Variants in CARD8 observed in about 807,000 individuals in gnomAD.
CARD8 encodes the protein caspase recruitment domain-containing protein 8.
CARD8 carries 38 observed loss-of-function variants against 53.2 expected under a neutral mutation model. The observed-to-expected ratio is 0.71, with a 90% CI of 0.55 to 0.94. The LOEUF (loss-of-function observed/expected upper bound fraction) is 0.94. Ranked by LOEUF, CARD8 falls within the 40% of genes least tolerant of loss-of-function variation. CARD8 has a pLI of 0.00. For missense variants in CARD8, 561 were observed against 655.5 expected (o/e 0.86, Z 1.57); for synonymous variants, 245 against 244.9 (o/e 1.00, Z 0.00).
chr19:48,218,845 A>G, intron 12 of CARD8, 26 bp downstream of exon 12: 1 of 1,612,230 alleles, frequency 6.2e-7, no homozygotes, highest in Non-Finnish European at 8.5e-7. Context: ...CCTGTCTAAA[A>G]ATGCCAGCCT....
intron 10 of CARD8, chr19:48,223,734 C>A (rs770389838): frequency 2.4e-6 from 1 of 410,996 alleles, no homozygotes; most frequent in Non-Finnish European, 4.8e-6. Context: ...GATTAATTTT[C>A]TTAACCTTCT....
At chr19:48,248,582 CAA>C (rs2046487705) in intron 3 of CARD8, among the ~76,000 whole-genome samples, 1 of 152,178 alleles carries the variant, frequency 6.6e-6, no homozygotes, top group African/African-American at 2.4e-5. Context: ...GAAAAGCTGA[CAA>C]AATCAAGTGT....
In CARD8 at chr19:48,238,503, G is replaced by A; in HGVS notation, c.89C>T (p.Ala30Val). The change falls in exon 5 of 14, where the codon GCA becomes GTA. Residue 30 changes from alanine to valine, a missense_variant. Physicochemically the swap from Ala to Val is moderately conservative, Grantham distance 64. Coordinates refer to ENST00000651546, the MANE Select transcript of CARD8 (RefSeq NM_001184900.3). ...RDSGSSRNID[A>V]SKLIRLQGSR... ...TCCTTGTAGTCTAATGAGTTTGGAT[G>A]CATCTATGTTCCTACTGGATCCACT... is the stretch of plus-strand genomic sequence containing the variant. 2 of 1,536,480 alleles carry A rather than the reference G, an allele frequency of 1.3e-6. No individual in the cohort carries two copies. The highest frequency in any genetic ancestry group is 1.7e-6 in the Non-Finnish European group (2 of 1,146,976).
At chr19:48,232,955 T>C (rs1380309153) in intron 6 of CARD8, 3 of 368,570 alleles carry the variant, frequency 8.1e-6, no homozygotes, top group African/African-American at 2.1e-5. Context: ...CTGGCTTAAA[T>C]TGATTGCTCC....
At chr19:48,214,786 T>C (rs1475600337) in intron 13 of CARD8, among the ~76,000 whole-genome samples, 4 of 124,528 alleles carry the variant, frequency 3.2e-5, no homozygotes, top group Non-Finnish European at 3.4e-5. Flanking sequence ...TTTTTTTTTT[T>C]TTTTTTTTTT....
At chr19:48,229,214 G>A (rs540803909) in intron 10 of CARD8, among the ~76,000 whole-genome samples, 4 of 152,234 alleles carry the variant, frequency 2.6e-5, no homozygotes, top group African/African-American at 9.6e-5. Context: ...AGGTGAAGAC[G>A]GGCCAGAAAC....
chr19:48,225,782 G>C (rs1249715106), intron 10 of CARD8, among the ~76,000 whole-genome samples: 1 of 152,108 alleles, frequency 6.6e-6, no homozygotes, highest in Admixed American at 6.5e-5. Context: ...GCTGGGCACA[G>C]TGGCTCACAC....
intron 1 of CARD8, among the ~76,000 whole-genome samples, chr19:48,254,632 A>C (rs1284014502): frequency 6.6e-6 from 1 of 152,138 alleles, no homozygotes; most frequent in African/African-American, 2.4e-5. Context: ...GGGCACCTGT[A>C]GTCGCAGCTA....
intron 3 of CARD8, 128 bp from the exon 4 acceptor site, chr19:48,241,191 T>C (rs965000306): frequency 3.1e-5 from 19 of 608,174 alleles, no homozygotes; most frequent in African/African-American, 1.5e-4. Context: ...ATCAGTGGAA[T>C]TGCTCCTAGT....
chr19:48,218,717 T>C (rs1435688030), intron 12 of CARD8, among the ~76,000 whole-genome samples, 154 bp downstream of exon 12: 1 of 152,128 alleles, frequency 6.6e-6, no homozygotes, highest in African/African-American at 2.4e-5. Context: ...GTGTGTGTTG[T>C]TCCCCTCCCT....
At chr19:48,244,895 C>T (rs2045858711) in intron 3 of CARD8, among the ~76,000 whole-genome samples, 1 of 152,118 alleles carries the variant, frequency 6.6e-6, no homozygotes, top group Non-Finnish European at 1.5e-5. Flanking sequence ...AAAAACTCCA[C>T]CCACAATTCC....
intron 3 of CARD8, among the ~76,000 whole-genome samples, chr19:48,249,067 G>A (rs1306082483): frequency 1.3e-5 from 2 of 151,946 alleles, no homozygotes; most frequent in Non-Finnish European, 2.9e-5. Flanking sequence ...CGTGGTGGCG[G>A]GCGCCTGTCA....
chr19:48,231,656 T>C lies in CARD8; in HGVS notation c.542+4A>G. On this transcript the variant is annotated splice_donor_region_variant and intron_variant, in intron 8 of 13. Transcript: ENST00000651546. The stretch of plus-strand genomic sequence containing the variant: ...TTCAAATCATCAGCATCTTCCATTC[T>C]TACCTGTATCTGTTTGTGCTCTTAT... 1 of 1,588,364 alleles carries C rather than the reference T, an allele frequency of 6.3e-7. No individual in the cohort carries two copies. Among genetic ancestry groups the C allele is most frequent in the South Asian group, 1.2e-5 (1 of 86,454 alleles).
chr19:48,253,878 A>G (rs1258165509), intron 1 of CARD8, among the ~76,000 whole-genome samples: 1 of 152,230 alleles, frequency 6.6e-6, no homozygotes, highest in African/African-American at 2.4e-5. Context: ...ATAACAGAGT[A>G]TCAGTAAAGA....
At chr19:48,235,373 T>C (rs148587822) in intron 5 of CARD8, among the ~76,000 whole-genome samples, 2 of 152,182 alleles carry the variant, frequency 1.3e-5, no homozygotes, top group African/African-American at 4.8e-5. Context: ...AGTTCCTCCT[T>C]TGAAGTAGCC....
At chr19:48,236,282 G>C (rs2043854725) in intron 5 of CARD8, among the ~76,000 whole-genome samples, 1 of 152,132 alleles carries the variant, frequency 6.6e-6, no homozygotes, top group South Asian at 2.1e-4. Context: ...GCATGATCTT[G>C]GCTCACTGCA....
rs567697682 is a variant in CARD8 at position 48,235,845 on chromosome 19, C to CA, written c.210-1303dup. 5.5e-3 allele frequency among the ~76,000 whole-genome samples: 754 copies of CA among 136,982 alleles called. 3 individuals are homozygous for CA. Among genetic ancestry groups the CA allele is most frequent in the South Asian group, 9.3e-3 (40 of 4,322 alleles). 89.9% of individuals were successfully genotyped at this position (136,982 alleles called of 152,430 possible). ...AAAAATCATTGACAAAAAAGGAAAG[C>CA]AAAAAAAAAGAAAGAAAATAACTGA... On this transcript the variant is annotated intron_variant, in intron 5 of 13. Coordinates refer to ENST00000651546, the MANE Select transcript of CARD8 (RefSeq NM_001184900.3).
At chr19:48,252,825 A>ACG (rs2047106847) in intron 1 of CARD8, among the ~76,000 whole-genome samples, 1 of 151,960 alleles carries the variant, frequency 6.6e-6, no homozygotes, top group South Asian at 2.1e-4. Context: ...ACACACACAC[A>ACG]CACACACACA....
At chr19:48,224,759 T>C (rs2041390635) in intron 10 of CARD8, among the ~76,000 whole-genome samples, 1 of 15,990 alleles carries the variant, frequency 6.3e-5, no homozygotes, top group South Asian at 2.9e-3. Context: ...CCTTGTGCTT[T>C]TTTTTTTTTT....
Sources: gnomAD v4.1 joint callset for allele counts (sites outside exome capture counted in the v4.1 genomes callset) on GRCh38, gnomAD v4.1.1 for gene constraint, MANE v1.5 for transcripts, NCBI Gene and HGNC (gene_info 2026-07-23, HGNC 2026-07-21) for gene names.